GART: variants seen among roughly 807,000 people sequenced by gnomAD.
GART encodes the protein phosphoribosylglycinamide formyltransferase, phosphoribosylglycinamide synthetase, phosphoribosylaminoimidazole synthetase.
Under a neutral mutation model 107.2 loss-of-function variants are expected in GART, and 43 were observed. The ratio of observed to expected loss-of-function variants is 0.40; its 90% CI spans 0.31 to 0.52. The LOEUF is 0.52. GART is among the 20% of genes least tolerant of loss of function. The probability of loss-of-function intolerance (pLI) is 0.52; values close to 1 mark genes in which losing one functional copy is unlikely to be tolerated. For missense variants in GART, 1,107 were observed against 1,206.5 expected, an observed-to-expected ratio of 0.92 and a Z score of 1.22; for synonymous variants, 434 against 427.0, an observed-to-expected ratio of 1.02 and a Z score of -0.20.
chr21:33,538,656 T>A (rs1267822218), intron 2 of GART, among the ~76,000 whole-genome samples: 1 of 152,218 alleles, frequency 6.6e-6, no homozygotes, highest in Non-Finnish European at 1.5e-5. Flanking sequence ...TTTAAAACAG[T>A]TTAAGATAAG....
intron 1 of GART, 57 bp from the exon 2 acceptor site, chr21:33,539,413 A>ACGGGGC: frequency 7.3e-7 from 1 of 1,378,582 alleles, no homozygotes; most frequent in Non-Finnish European, 9.9e-7. Context: ...AAACCCAGGG[A>ACGGGGC]CGGGCACAGT....
chr21:33,529,031 C>A (rs1192998767), intron 7 of GART, 94 bp from the exon 8 acceptor site: 25 of 763,704 alleles, frequency 3.3e-5, no homozygotes, highest in South Asian at 6.8e-5. Context: ...ATGAGGATAA[C>A]TCATTTTTTT....
rs376904498 is a variant in GART, at chr21:33,504,200, G to A, written c.2957C>T (p.Ala986Val). 42 of 1,614,076 alleles carry A rather than the reference G, an allele frequency of 2.6e-5. No individual in the cohort carries two copies. Among genetic ancestry groups the A allele is most frequent in the Non-Finnish European group, 3.1e-5 (37 of 1,180,042 alleles). ...TCCACTGGCCACCAGCTGAAGGGCT[G>A]CAGGAAATATTTTATGTTCTGCTAA... ...VKLAEHKIFP[A>V]ALQLVASGTV... Residue 986 changes from alanine to valine, a missense_variant, in exon 22 of 22, where the codon GCA (alanine) becomes GTA (valine). By Grantham distance (64) the Ala-to-Val change is moderately conservative. Coordinates refer to ENST00000381815, the MANE Select transcript of GART (RefSeq NM_000819.5).
At chr21:33,540,546 CTCATTTCACTTTAGT>C (rs1353636944) in intron 1 of GART, among the ~76,000 whole-genome samples, 19 of 152,168 alleles carry the variant, frequency 1.2e-4, no homozygotes, top group Non-Finnish European at 2.4e-4. Flanking sequence ...CAAATTCCAA[CTCATTTCACTTTAGT>C]TCTGGCACCT....
At chr21:33,520,821 T>TGA in intron 13 of GART, 85 bp downstream of exon 13, 5 of 1,038,026 alleles carry the variant, frequency 4.8e-6, no homozygotes, top group Non-Finnish European at 7.2e-6. Context: ...TTAGCTCATA[T>TGA]ATGTCAAGAG....
intron 16 of GART, among the ~76,000 whole-genome samples, chr21:33,513,093 G>T (rs1348868069): frequency 7.9e-6 from 1 of 126,428 alleles, no homozygotes; most frequent in Non-Finnish European, 1.6e-5. Flanking sequence ...TTGTGTGTGT[G>T]TGTGTGTGTC....
At position 33,532,335 on chromosome 21, in the gene GART, C is replaced by T. The variant is rs748556130; in HGVS notation, c.528+10G>A. The T allele has an allele frequency of 6.3e-7, 1 of 1,599,366 alleles. No individual in the cohort carries two copies. The highest frequency in any genetic ancestry group is 1.1e-5 in the South Asian group (1 of 90,214). On this transcript the variant is annotated intron_variant, in intron 5 of 21. Coordinates refer to ENST00000381815, the MANE Select transcript of GART (RefSeq NM_000819.5). Reference sequence around the variant, plus strand: ...TAGAAAAGTAAATTTTTTCAGAAGACCCAGCCTACCTGCATGATCTCTTGT... The same window carrying T: ...TAGAAAAGTAAATTTTTTCAGAAGATCCAGCCTACCTGCATGATCTCTTGT...
At chr21:33,512,850 G>A (rs533556832) in intron 16 of GART, among the ~76,000 whole-genome samples, 8 of 151,928 alleles carry the variant, frequency 5.3e-5, no homozygotes, top group South Asian at 2.1e-4. Context: ...CTCCCAAAGC[G>A]CTGGGATTAT....
upstream of GART, chr21:33,542,386 T>C (rs2085463384): frequency 1.3e-5 from 2 of 152,456 alleles, no homozygotes; most frequent in East Asian, 1.9e-4. Flanking sequence ...TCTTAGCCAA[T>C]TGTGCGCCGC....
chr21:33,534,773 C>A lies in GART; in HGVS notation c.242-20G>T. On this transcript the variant is annotated intron_variant, in intron 3 of 21. Transcript: ENST00000381815. ...CAATCCCTATTGATGAAAACAGTAGCCTTAGGTGAACCAAGGTCTCCCCAG... is the reference window on the plus strand; with the variant it reads ...CAATCCCTATTGATGAAAACAGTAGACTTAGGTGAACCAAGGTCTCCCCAG... The A allele has an allele frequency of 6.5e-6, 10 of 1,536,512 alleles. No individual in the cohort carries two copies. Among genetic ancestry groups the A allele is most frequent in the Non-Finnish European group, 8.7e-6 (10 of 1,146,970 alleles).
intron 16 of GART, among the ~76,000 whole-genome samples, chr21:33,514,257 T>TA: frequency 1.3e-5 from 2 of 152,196 alleles, no homozygotes; most frequent in South Asian, 4.1e-4. Context: ...GACAGAGTGA[T>TA]ACTCTGTCTC....
intron 14 of GART, among the ~76,000 whole-genome samples, chr21:33,519,419 T>C (rs1220720779): frequency 6.6e-6 from 1 of 151,910 alleles, no homozygotes; most frequent in African/African-American, 2.4e-5. Context: ...CCGGGTGTGG[T>C]GGCGGGCACC....
upstream of GART, chr21:33,542,158 T>C (rs2085451969): frequency 6.6e-6 from 1 of 152,092 alleles, no homozygotes; most frequent in African/African-American, 2.4e-5. Context: ...CGCCCCTCAC[T>C]GCCCCGCCCT....
chr21:33,512,000 GAATCCCAACACTTTGGATTACATGCCTGT>G (rs2084792889), intron 16 of GART, among the ~76,000 whole-genome samples: 1 of 151,812 alleles, frequency 6.6e-6, no homozygotes, highest in Non-Finnish European at 1.5e-5. Flanking sequence ...CCGGGCGTGA[GAATCCCAACACTTTGGATTACATGCCTGT>G]AATCCCAACA....
chr21:33,532,800 C>A (rs534520551), intron 4 of GART, among the ~76,000 whole-genome samples: 3 of 152,032 alleles, frequency 2.0e-5, no homozygotes, highest in Non-Finnish European at 4.4e-5. Flanking sequence ...GTAGAAAATG[C>A]GGCTGTATAA....
intron 13 of GART, 28 bp downstream of exon 13, chr21:33,520,878 G>C: frequency 6.8e-7 from 1 of 1,461,946 alleles, no homozygotes; most frequent in African/African-American, 1.4e-5. Context: ...TTCCTAAAAG[G>C]CCTTTATTCA....
chr21:33,510,141 GATCAC>G, intron 17 of GART: 1 of 501,076 alleles, frequency 2.0e-6, no homozygotes. Context: ...AAAAGCTGCA[GATCAC>G]ATCACTATCT....
rs536212229 is a variant in GART at position 33,537,700 on chromosome 21, G to A, written c.145+1471C>T. On this transcript the variant is annotated intron_variant, in intron 2 of 21. Coordinates refer to ENST00000381815, the MANE Select transcript of GART (RefSeq NM_000819.5). ...GGTGGGAACAAATATAAAGTCCAAA[G>A]CAGCAAGCTTCTGCTTGGGAAATTG... 1.2e-4 allele frequency among the ~76,000 whole-genome samples: 19 copies of A among 152,262 alleles called. No individual in the cohort carries two copies. The South Asian group carries it at 2.1e-3, about 17-fold the overall frequency.
At chr21:33,527,771 A>G (rs2085102548) in intron 10 of GART, among the ~76,000 whole-genome samples, 1 of 152,194 alleles carries the variant, frequency 6.6e-6, no homozygotes, top group Non-Finnish European at 1.5e-5. Context: ...AAACCACACA[A>G]AACTGTATGC....
Sources: allele counts gnomAD v4.1 joint callset (sites outside exome capture counted in the v4.1 genomes callset), GRCh38; gene constraint gnomAD v4.1.1; transcripts MANE v1.5; gene names NCBI Gene and HGNC (gene_info 2026-07-23, HGNC 2026-07-21).